Variants in EML5 observed in about 807,000 individuals in gnomAD.
The protein encoded by EML5 is echinoderm microtubule-associated protein-like 5.
A neutral mutation model predicts 250.0 loss-of-function variants in EML5; 120 were observed. The observed-to-expected ratio is 0.48, with a 90% CI of 0.41 to 0.56. The LOEUF (loss-of-function observed/expected upper bound fraction) is 0.56, where lower values mean the gene tolerates loss of function less well. Ranked by LOEUF, EML5 falls within the 20% of genes least tolerant of loss-of-function variation. The pLI is 0.00. For missense variants in EML5, 2,006 were observed against 2,437.6 expected (o/e 0.82, Z 3.73); for synonymous variants, 771 against 806.5 (o/e 0.96, Z 0.75).
intron 40 of EML5, 48 bp from the exon 41 acceptor site, chr14:88,618,379 C>G (rs771323404): frequency 1.1e-5 from 16 of 1,509,822 alleles, no homozygotes; most frequent in South Asian, 4.5e-5. Context: ...AGGTGAGAGA[C>G]AAAATCCACA....
chr14:88,657,709 G>A (rs1014363085), intron 26 of EML5, among the ~76,000 whole-genome samples: 1 of 152,040 alleles, frequency 6.6e-6, no homozygotes. Context: ...AGTAATAATA[G>A]CAGGTTAAAA....
Position 88,688,459 on chromosome 14 carries a change from C to A in EML5, c.2554G>T (p.Gly852Ter), listed in dbSNP as rs2092886405. The change falls in exon 18 of 44, where the codon GGA becomes TGA. Residue 852 changes from glycine (G) to a stop codon, truncating the protein, a stop_gained. Coordinates refer to ENST00000554922, the MANE Select transcript of EML5 (RefSeq NM_183387.3). LOFTEE classifies it high-confidence loss of function. The stretch of plus-strand genomic sequence containing the variant: ...AGTGTGCCTATGTAGCCTTTTCTTC[C>A]AATCAATCCTCCCCCTAGTTCACAA... ...FWRKAGGGLI[G>*]RKGYIGTLGK... 1 of 1,613,720 alleles carries A rather than the reference C, an allele frequency of 6.2e-7. No homozygotes were observed. The highest frequency in any genetic ancestry group is 1.3e-5 in the African/African-American group (1 of 74,914).
intron 10 of EML5, among the ~76,000 whole-genome samples, chr14:88,710,528 C>T (rs1298374368): frequency 6.6e-6 from 1 of 152,142 alleles, no homozygotes; most frequent in African/African-American, 2.4e-5. Flanking sequence ...ATACTGCCAA[C>T]TTCAAGGTAT....
intron 32 of EML5, among the ~76,000 whole-genome samples, chr14:88,634,978 A>T (rs1270115858): frequency 1.3e-5 from 2 of 152,204 alleles, no homozygotes; most frequent in Non-Finnish European, 2.9e-5. Flanking sequence ...GCTGAGAGAC[A>T]TGATGGCAAA....
chr14:88,741,625 G>T (rs1280261182), intron 4 of EML5, among the ~76,000 whole-genome samples: 1 of 152,082 alleles, frequency 6.6e-6, no homozygotes. Context: ...AGGATGGTTT[G>T]AGGCCAGGAG....
At chr14:88,760,507 T>C (rs2094224173) in intron 1 of EML5, among the ~76,000 whole-genome samples, 2 of 152,192 alleles carry the variant, frequency 1.3e-5, no homozygotes, top group Non-Finnish European at 2.9e-5. Flanking sequence ...CCCTGTATTT[T>C]ACACCATTAA....
chr14:88,694,346 T>A lies in EML5; in HGVS notation c.2500A>T (p.Thr834Ser), dbSNP rs1335676312. 6.3e-7 allele frequency: 1 copy of A among 1,595,256 alleles called. No individual in the cohort carries two copies. Among genetic ancestry groups the A allele is most frequent in the Non-Finnish European group, 8.5e-7 (1 of 1,170,060 alleles). Residue 834 changes from threonine (T) to serine (S), a missense_variant, in exon 17 of 44, where the codon ACA becomes TCA. Physicochemically the swap from Thr to Ser is moderately conservative, Grantham distance 58. Around this residue, in one of 7 missense-constraint regions of EML5, gnomAD observed 1,375 missense variants for 1,590.3 expected, o/e 0.86. Coordinates refer to ENST00000554922, the MANE Select transcript of EML5 (RefSeq NM_183387.3). ...MNPYVPDKLI[T>S]AGIKHMKFWR... ...AATTTCATGTGTTTAATTCCAGCTG[T>A]AATTAGTTTATCAGGCACATAGGGG...
At chr14:88,698,754 T>C (rs1188097924) in intron 14 of EML5, among the ~76,000 whole-genome samples, 1 of 152,202 alleles carries the variant, frequency 6.6e-6, no homozygotes, top group Non-Finnish European at 1.5e-5. Flanking sequence ...AGCAGTTACT[T>C]TTCCTCTGAA....
At chr14:88,713,196 A>T (rs1376547749) in intron 9 of EML5, among the ~76,000 whole-genome samples, 1 of 152,104 alleles carries the variant, frequency 6.6e-6, no homozygotes, top group Non-Finnish European at 1.5e-5. Flanking sequence ...GTTCAAGACC[A>T]GCCTGGCCAA....
At chr14:88,738,044 G>A (rs2093871756) in intron 6 of EML5, among the ~76,000 whole-genome samples, 1 of 152,004 alleles carries the variant, frequency 6.6e-6, no homozygotes, top group Non-Finnish European at 1.5e-5. Flanking sequence ...GTGTTACATG[G>A]CCAATATAAA....
chr14:88,714,248 A>AT, intron 9 of EML5, among the ~76,000 whole-genome samples: 2 of 152,324 alleles, frequency 1.3e-5, no homozygotes, highest in South Asian at 2.1e-4. Flanking sequence ...TGACTAAGAT[A>AT]CAGTGGTACT....
intron 1 of EML5, among the ~76,000 whole-genome samples, chr14:88,788,899 A>G (rs1293126121): frequency 4.4e-5 from 1 of 22,752 alleles, no homozygotes; most frequent in Non-Finnish European, 6.3e-5. Context: ...ATCTTTACCG[A>G]AAAAAAAAAA....
At position 88,630,505 on chromosome 14, in the gene EML5, G is replaced by A. The variant is rs117134309; in HGVS notation, c.4358-2686C>T. ...TCAGGAATCTACTCCTTCCTAGAGC[G>A]TAAGTGATTCAGGGGAAACAAACTG... On this transcript the variant is annotated intron_variant, in intron 33 of 43. Transcript: ENST00000554922. Among the ~76,000 whole-genome samples the A allele has an allele frequency of 5.3e-5, 8 of 152,206 alleles. No individual in the cohort carries two copies. The East Asian group carries it at 1.2e-3, about 22-fold the overall frequency.
chr14:88,776,897 A>G (rs1354022665), intron 1 of EML5, among the ~76,000 whole-genome samples: 2 of 152,132 alleles, frequency 1.3e-5, no homozygotes, highest in Non-Finnish European at 2.9e-5. Context: ...GAAAAAACAG[A>G]AACAACAACC....
At chr14:88,622,566 T>C (rs1438697093) in intron 37 of EML5, 38 bp downstream of exon 37, 1 of 1,473,576 alleles carries the variant, frequency 6.8e-7, no homozygotes, top group East Asian at 2.5e-5. Flanking sequence ...CCACTTTCTG[T>C]TTTCTGCTGC....
chr14:88,714,793 A>G (rs549442209), intron 9 of EML5, 146 bp downstream of exon 9: 368 of 658,020 alleles, frequency 5.6e-4, no homozygotes, highest in Non-Finnish European at 3.5e-4. Context: ...ATTGTATTAT[A>G]TTGTAGAAAA....
chr14:88,734,813 G>A (rs1007438037), intron 7 of EML5, among the ~76,000 whole-genome samples: 1 of 152,086 alleles, frequency 6.6e-6, no homozygotes, highest in African/African-American at 2.4e-5. Flanking sequence ...GCCAAATCCA[G>A]AATGTGGGAA....
At chr14:88,647,687 CAAAAAAAAAAAA>C (rs34191990) in intron 28 of EML5, among the ~76,000 whole-genome samples, 4 of 48,744 alleles carry the variant, frequency 8.2e-5, no homozygotes, top group Non-Finnish European at 1.5e-4. Flanking sequence ...GAGACCGTCT[CAAAAAAAAAAAA>C]AAAAAAAAAA....
chr14:88,682,479 T>C (rs1172540899), intron 20 of EML5, among the ~76,000 whole-genome samples: 1 of 151,752 alleles, frequency 6.6e-6, no homozygotes, highest in Admixed American at 6.6e-5. Flanking sequence ...GGAAGGAACA[T>C]TTACTCAAGA....
Sources: gnomAD v4.1 joint callset for allele counts (sites outside exome capture counted in the v4.1 genomes callset) on GRCh38, gnomAD v4.1.1 for gene constraint, gnomAD v4.1.1 regional missense constraint, MANE v1.5 for transcripts, NCBI Gene and HGNC (gene_info 2026-07-23, HGNC 2026-07-21) for gene names.